The following IRAG2 variants were observed in gnomAD, a reference collection of about 807,000 sequenced individuals.
The protein encoded by IRAG2 is inositol 1,4,5-triphosphate receptor associated 2, also known as lymphoid restricted membrane protein.
IRAG2 carries 45 observed loss-of-function variants against 69.9 expected under a neutral mutation model. The ratio of observed to expected loss-of-function variants is 0.64; its 90% CI spans 0.51 to 0.83. The LOEUF is 0.83. Among genes scored for constraint, IRAG2 ranks in the 40% least tolerant of loss-of-function variants. The pLI is 0.00. For synonymous variants in IRAG2, 193 were observed against 202.4 expected (o/e 0.95, Z 0.40); for missense variants, 520 against 587.0 (o/e 0.89, Z 1.18).
At chr12:25,051,886 T>C (rs1002842322), upstream of IRAG2, among the ~76,000 whole-genome samples, 1 of 152,230 alleles carries the variant, frequency 6.6e-6, no homozygotes, top group Non-Finnish European at 1.5e-5. Flanking sequence ...ATGTTGCACC[T>C]GTCACCCTGA....
At chr12:25,032,361 A>G (rs966547790) in exon 12 of IRAG2, 1 of 399,028 alleles carries the variant, frequency 2.5e-6, no homozygotes, top group Non-Finnish European at 4.4e-6. Context: ...TGCAACAGGC[A>G]CTCATCACGT....
intron 1 of IRAG2, among the ~76,000 whole-genome samples, chr12:25,056,133 A>G (rs2139922303): frequency 6.6e-6 from 1 of 152,292 alleles, no homozygotes; most frequent in African/African-American, 2.4e-5. Context: ...TTAGCTTGCT[A>G]TTCTTAGCAT....
At chr12:25,035,564 T>C (rs1944696622) in intron 13 of IRAG2, 1 of 397,514 alleles carries the variant, frequency 2.5e-6, no homozygotes, top group South Asian at 1.4e-4. Context: ...GACAATGACA[T>C]TAACTCATGA....
upstream of IRAG2, among the ~76,000 whole-genome samples, chr12:25,048,349 G>A (rs138576661): frequency 5.8e-4 from 89 of 152,160 alleles, no homozygotes; most frequent in Middle Eastern, 3.4e-3. Flanking sequence ...GGAGTGCAAT[G>A]GCGGGGTCTC....
At chr12:25,059,181 T>G (rs1442251938) in intron 1 of IRAG2, among the ~76,000 whole-genome samples, 1 of 152,220 alleles carries the variant, frequency 6.6e-6, no homozygotes, top group East Asian at 1.9e-4. Flanking sequence ...AAACACACGA[T>G]GGCCACTTCT....
At chr12:25,100,167 G>C (rs1366730419) in intron 15 of IRAG2, among the ~76,000 whole-genome samples, 2 of 151,880 alleles carry the variant, frequency 1.3e-5, no homozygotes, top group African/African-American at 4.8e-5. Context: ...ACACCCACGA[G>C]GATGGCTATG....
intron 14 of IRAG2, 25 bp downstream of exon 14, chr12:25,090,222 T>C: frequency 6.2e-7 from 1 of 1,608,892 alleles, no homozygotes; most frequent in Non-Finnish European, 8.5e-7. Context: ...ATTTGGGATA[T>C]AAACATTTGG....
In IRAG2 at chr12:25,004,765, G is replaced by C. The variant is rs933507834; in HGVS notation, c.424G>C (p.Glu142Gln). The C allele has an allele frequency of 3.2e-6, 4 of 1,231,996 alleles. No individual in the cohort carries two copies. In the Admixed American group the frequency reaches 1.7e-4, roughly 52 times the overall value. The allele number at this position is 1,231,996 out of a possible 1,614,324, so 76.3% of individuals were successfully genotyped here. ...TTTGATGTCACAGATCAGAAAAGCA[G>C]AGTTTTTCTCTAACAAGGATTTGAA... The change falls in exon 1 of 39, where the codon GAG becomes CAG. Residue 142 changes from glutamate (E) to glutamine (Q), a missense_variant. Coordinates refer to the IRAG2 transcript ENST00000636465.
intron 16 of IRAG2, among the ~76,000 whole-genome samples, chr12:25,045,312 A>G (rs1944784308): frequency 6.6e-6 from 1 of 152,086 alleles, no homozygotes; most frequent in South Asian, 2.1e-4. Context: ...TAAATTTCAG[A>G]TAAACCTAAC....
upstream of IRAG2, among the ~76,000 whole-genome samples, chr12:25,051,693 A>G (rs111775365): frequency 0.01 from 1,542 of 152,338 alleles, 12 homozygotes; most frequent in Middle Eastern, 0.02. Context: ...ATCAACCGCC[A>G]GCTTTCATCT....
chr12:25,013,538 A>T (rs1944494197), intron 3 of IRAG2, among the ~76,000 whole-genome samples: 1 of 152,168 alleles, frequency 6.6e-6, no homozygotes, highest in African/African-American at 2.4e-5. Flanking sequence ...TTTAAGAAAG[A>T]TAAGAAAGAT....
intron 7 of IRAG2, chr12:25,020,941 G>A (rs1351084813): frequency 2.7e-5 from 30 of 1,103,686 alleles, no homozygotes; most frequent in African/African-American, 8.1e-5. Context: ...TGAATTTGGC[G>A]TATAATTTAC....
intron 9 of IRAG2, among the ~76,000 whole-genome samples, chr12:25,029,661 C>A (rs1405358301): frequency 6.9e-6 from 1 of 145,660 alleles, no homozygotes; most frequent in Non-Finnish European, 1.5e-5. Context: ...AGCATTGTTA[C>A]AATATGTTTT....
the IRAG2 span, among the ~76,000 whole-genome samples, chr12:24,998,910 T>TTAACA: frequency 0.43 from 65,207 of 151,520 alleles, 15,151 homozygotes; most frequent in African/African-American, 0.61. Flanking sequence ...AATTACATTG[T>TTAACA]TAATCTGTTT....
intron 14 of IRAG2, 38 bp from the exon 15 acceptor site, chr12:25,096,872 T>C (rs1376287799): frequency 2.6e-6 from 4 of 1,560,476 alleles, no homozygotes; most frequent in African/African-American, 1.4e-5. Context: ...GCTGAATGCT[T>C]GTGTTAGATA....
At chr12:25,014,770 C>T (rs1944507100) in intron 3 of IRAG2, among the ~76,000 whole-genome samples, 1 of 151,612 alleles carries the variant, frequency 6.6e-6, no homozygotes, top group Admixed American at 6.6e-5. Context: ...TCTCTTAAGC[C>T]CCATGATCTT....
chr12:25,089,828 T>A (rs1396193254), intron 13 of IRAG2, 38 bp downstream of exon 13: 2 of 1,599,870 alleles, frequency 1.3e-6, no homozygotes, highest in Non-Finnish European at 1.7e-6. Context: ...TTTAAAAAAG[T>A]GTTCCAGACT....
chr12:25,107,006 T>C lies in IRAG2; in HGVS notation c.1212T>C (p.Leu404=), dbSNP rs1428579808. The C allele has an allele frequency of 5.0e-6, 8 of 1,608,150 alleles. No homozygotes were observed. The highest frequency in any genetic ancestry group is 6.8e-6 in the Non-Finnish European group (8 of 1,176,522). The change falls in exon 21 of 22, where the codon CTT becomes CTC. Residue 404 remains leucine, a synonymous_variant. Coordinates refer to ENST00000556887, the MANE Select transcript of IRAG2 (RefSeq NM_001366544.2). Reference sequence around the variant, plus strand: ...TAGAAAGGACAAGGAAGCCAAGTCTTTCTGAAAAGAAAAATAATCCATCAA... The same window carrying C: ...TAGAAAGGACAAGGAAGCCAAGTCTCTCTGAAAAGAAAAATAATCCATCAA... ...ETVERTRKPS[L]SEKKNNPSKW... is the part of the protein sequence containing the mutation.
Position 25,066,416 on chromosome 12 carries a change from C to T in IRAG2, c.-155C>T, listed in dbSNP as rs762587531. On this transcript the variant is annotated 5_prime_UTR_variant, in exon 5 of 22. Coordinates refer to ENST00000556887, the MANE Select transcript of IRAG2 (RefSeq NM_001366544.2). ...GCAGTTCCAACCCTGGAATCAACAC[C>T]TTTCTCAGGTGTAGCCAACCAAATC... 4 of 400,994 alleles carry T rather than the reference C, an allele frequency of 1.0e-5. No individual in the cohort carries two copies. Among genetic ancestry groups the T allele is most frequent in the Non-Finnish European group, 1.8e-5 (4 of 226,220 alleles). The allele number at this position is 400,994 out of a possible 1,614,324, so 24.8% of individuals were successfully genotyped here. A position where few individuals can be genotyped will look rare whatever the true frequency, so the allele number is the denominator to read the frequency against.
Sources: gnomAD v4.1 joint callset for allele counts (sites outside exome capture counted in the v4.1 genomes callset) on GRCh38, gnomAD v4.1.1 for gene constraint, MANE v1.5 for transcripts, NCBI Gene and HGNC (gene_info 2026-07-23, HGNC 2026-07-21) for gene names.